SPMIP2: variants seen among roughly 807,000 people sequenced by gnomAD.
SPMIP2 encodes the protein sperm microtubule inner protein 2.
the SPMIP2 span, among the ~76,000 whole-genome samples, chr4:159,006,464 C>CT: frequency 2.0e-5 from 3 of 152,324 alleles, no homozygotes; most frequent in African/African-American, 7.2e-5. Flanking sequence ...TGCCCCCCAG[C>CT]TTTCTATAGC....
chr4:158,981,156 A>G, the SPMIP2 span, among the ~76,000 whole-genome samples: 1 of 152,092 alleles, frequency 6.6e-6, no homozygotes, highest in East Asian at 1.9e-4. Flanking sequence ...AGATTAGAGA[A>G]AAAAGAATGA....
At chr4:158,978,016 T>C in the SPMIP2 span, among the ~76,000 whole-genome samples, 1 of 152,136 alleles carries the variant, frequency 6.6e-6, no homozygotes, top group Non-Finnish European at 1.5e-5. Context: ...GATGTTAGGG[T>C]GTTGTTTTAG....
the SPMIP2 span, among the ~76,000 whole-genome samples, chr4:158,943,891 C>G: frequency 9.2e-6 from 1 of 108,240 alleles, no homozygotes; most frequent in Non-Finnish European, 1.7e-5. Context: ...CAGTCTCGCT[C>G]TGTCGCCAGG....
At chr4:158,910,763 G>A in the SPMIP2 span, among the ~76,000 whole-genome samples, 2 of 152,152 alleles carry the variant, frequency 1.3e-5, no homozygotes, top group Admixed American at 6.5e-5. Flanking sequence ...TGCAACATCA[G>A]TTTCTCCCAG....
chr4:159,015,251 G>A, the SPMIP2 span, among the ~76,000 whole-genome samples: 4 of 152,138 alleles, frequency 2.6e-5, no homozygotes, highest in African/African-American at 9.7e-5. Flanking sequence ...GTGAATAAAT[G>A]AATATATGTG....
chr4:159,019,685 T>G, the SPMIP2 span, among the ~76,000 whole-genome samples: 1 of 152,132 alleles, frequency 6.6e-6, no homozygotes, highest in Non-Finnish European at 1.5e-5. Context: ...CCCTTCATCG[T>G]GAATACACTG....
chr4:159,075,167 C>A, the SPMIP2 span, among the ~76,000 whole-genome samples: 94 of 152,198 alleles, frequency 6.2e-4, no homozygotes, highest in Non-Finnish European at 1.0e-3. Flanking sequence ...AGTGCAGGGA[C>A]GAGAGTGGAA....
the SPMIP2 span, among the ~76,000 whole-genome samples, chr4:158,912,246 A>G: frequency 2.0e-5 from 3 of 152,228 alleles, no homozygotes; most frequent in African/African-American, 7.2e-5. Context: ...GGGTAAATGT[A>G]TATAAGAATG....
chr4:158,914,676 T>C, the SPMIP2 span, among the ~76,000 whole-genome samples: 1 of 152,332 alleles, frequency 6.6e-6, no homozygotes, highest in East Asian at 1.9e-4. Flanking sequence ...CTCCTAACTC[T>C]ATAAAATATT....
At chr4:159,012,070 AAAT>A in the SPMIP2 span, among the ~76,000 whole-genome samples, 2 of 145,572 alleles carry the variant, frequency 1.4e-5, no homozygotes, top group African/African-American at 2.6e-5. Flanking sequence ...AAAAAAAAAA[AAAT>A]TATTCCTCAA....
chr4:158,963,166 TAGTAGAGAG>T, the SPMIP2 span, among the ~76,000 whole-genome samples: 6 of 152,230 alleles, frequency 3.9e-5, no homozygotes, highest in Non-Finnish European at 7.4e-5. Flanking sequence ...CAGGAAAATA[TAGTAGAGAG>T]AGACATTAAT....
chr4:158,962,041 C>T, the SPMIP2 span, among the ~76,000 whole-genome samples: 2 of 152,100 alleles, frequency 1.3e-5, no homozygotes, highest in Non-Finnish European at 2.9e-5. Flanking sequence ...ATAATTACAA[C>T]TCCAATTTGG....
chr4:158,895,523 A>G, the SPMIP2 span, among the ~76,000 whole-genome samples: 26 of 152,262 alleles, frequency 1.7e-4, no homozygotes, highest in Non-Finnish European at 3.4e-4. Flanking sequence ...CTAGAATAAT[A>G]CATATGTAAA....
chr4:159,070,806 T>C, the SPMIP2 span, among the ~76,000 whole-genome samples: 2 of 152,142 alleles, frequency 1.3e-5, no homozygotes, highest in African/African-American at 2.4e-5. Flanking sequence ...AAGATATGAG[T>C]GAAAACTTGT....
the SPMIP2 span, among the ~76,000 whole-genome samples, chr4:158,979,269 G>C: frequency 6.6e-6 from 1 of 152,226 alleles, no homozygotes. Flanking sequence ...TTTCAAGCCA[G>C]TGGATCTTAG....
At chr4:159,022,911 T>G in the SPMIP2 span, among the ~76,000 whole-genome samples, 1 of 151,874 alleles carries the variant, frequency 6.6e-6, no homozygotes, top group Non-Finnish European at 1.5e-5. Flanking sequence ...CTGCCTGTAA[T>G]CCCAGCTACT....
At chr4:159,081,388 A>G in the SPMIP2 span, among the ~76,000 whole-genome samples, 1 of 152,078 alleles carries the variant, frequency 6.6e-6, no homozygotes. Flanking sequence ...GTTATTAAAT[A>G]ATTTTGAGAA....
the SPMIP2 span, among the ~76,000 whole-genome samples, chr4:158,931,623 T>C: frequency 6.6e-6 from 1 of 152,112 alleles, no homozygotes; most frequent in Non-Finnish European, 1.5e-5. Context: ...GCTGGAGAGC[T>C]GTGGTACAAT....
the SPMIP2 span, among the ~76,000 whole-genome samples, chr4:158,945,855 G>A: frequency 2.6e-5 from 4 of 151,928 alleles, no homozygotes; most frequent in Admixed American, 6.6e-5. Context: ...TTTTTCTGTA[G>A]TCTTCTGTTC....
Sources: gnomAD v4.1 joint callset for allele counts (sites outside exome capture counted in the v4.1 genomes callset) on GRCh38, gnomAD v4.1.1 for gene constraint, MANE v1.5 for transcripts, NCBI Gene and HGNC (gene_info 2026-07-23, HGNC 2026-07-21) for gene names.